The following ZNF654 variants were observed in gnomAD, a reference collection of about 807,000 sequenced individuals.
The protein encoded by ZNF654 is melanoma-associated antigen.
A neutral mutation model predicts 95.3 loss-of-function variants in ZNF654; 19 were observed. The ratio of observed to expected loss-of-function variants is 0.20; its 90% CI spans 0.14 to 0.29. The LOEUF (loss-of-function observed/expected upper bound fraction) is 0.29. ZNF654 is among the 10% of genes least tolerant of loss of function. ZNF654 has a pLI of 1.00. For synonymous variants in ZNF654, 413 were observed against 457.9 expected (o/e 0.90, Z 1.25); for missense variants, 1,046 against 1,341.0 (o/e 0.78, Z 3.44).
intron 1 of ZNF654, among the ~76,000 whole-genome samples, chr3:88,083,547 T>C (rs941507983): frequency 3.3e-5 from 5 of 152,202 alleles, no homozygotes; most frequent in African/African-American, 1.2e-4. Flanking sequence ...GCTTCTGTCA[T>C]CAGTGTTCCT....
chr3:88,133,812 G>A (rs1316446861), intron 6 of ZNF654, among the ~76,000 whole-genome samples: 1 of 151,904 alleles, frequency 6.6e-6, no homozygotes, highest in Non-Finnish European at 1.5e-5. Flanking sequence ...GGCCTAAAAG[G>A]GTAACATTGA....
At chr3:88,116,577 C>CACACACACAT (rs767725952) in intron 3 of ZNF654, among the ~76,000 whole-genome samples, 2 of 148,106 alleles carry the variant, frequency 1.4e-5, no homozygotes, top group Admixed American at 6.7e-5. Context: ...CACACACACA[C>CACACACACAT]ATGCACATAT....
Position 88,140,050 on chromosome 3 carries a change from G to A in ZNF654, c.2381G>A (p.Arg794Lys). The A allele has an allele frequency of 6.2e-7, 1 of 1,613,692 alleles. No individual in the cohort carries two copies. Among genetic ancestry groups the A allele is most frequent in the Non-Finnish European group, 8.5e-7 (1 of 1,179,726 alleles). Reference protein sequence around the residue: ...WSKGKCKFCQRQFEDSQHFID... With the variant: ...WSKGKCKFCQKQFEDSQHFID... ...AAAGGAAAATGCAAATTTTGTCAAA[G>A]GCAATTTGAAGATTCTCAACATTTT... Residue 794 changes from arginine (R) to lysine (K), a missense_variant, in exon 8 of 9, where the codon AGG becomes AAG. Physicochemically the swap from Arg to Lys is conservative, Grantham distance 26. This residue lies in a region of ZNF654 where 495 missense variants were observed against 537.0 expected (regional missense o/e 0.92). Coordinates refer to ENST00000636215, the MANE Select transcript of ZNF654 (RefSeq NM_001350134.2).
intron 2 of ZNF654, among the ~76,000 whole-genome samples, chr3:88,092,365 A>G (rs9310071): frequency 0.029 from 4,447 of 152,324 alleles, 201 homozygotes; most frequent in African/African-American, 0.097. Context: ...AAGAGATATT[A>G]TATTAAACAA....
At chr3:88,078,158 T>G (rs1707912852) in intron 1 of ZNF654, among the ~76,000 whole-genome samples, 1 of 152,240 alleles carries the variant, frequency 6.6e-6, no homozygotes. Flanking sequence ...TTGATATATA[T>G]TCTTTCCTCT....
intron 1 of ZNF654, among the ~76,000 whole-genome samples, chr3:88,078,406 A>G (rs1328218882): frequency 1.3e-5 from 2 of 152,150 alleles, no homozygotes; most frequent in African/African-American, 2.4e-5. Context: ...CTGGTAGGGT[A>G]TTTTTAAATA....
At chr3:88,107,471 G>A (rs1352692606) in intron 2 of ZNF654, among the ~76,000 whole-genome samples, 1 of 152,106 alleles carries the variant, frequency 6.6e-6, no homozygotes, top group Non-Finnish European at 1.5e-5. Context: ...TTAGCTAGAT[G>A]TATAATTGTT....
intron 4 of ZNF654, 100 bp from the exon 5 acceptor site, chr3:88,128,709 A>C: frequency 1.3e-6 from 1 of 778,080 alleles, no homozygotes; most frequent in Non-Finnish European, 2.0e-6. Flanking sequence ...AAGTAGTTAA[A>C]TCTAATTAGA....
chr3:88,143,234 T>C lies in ZNF654; in HGVS notation c.*1582T>C, dbSNP rs976871247. 1.3e-5 allele frequency: 2 copies of C among 152,226 alleles called. No homozygotes were observed. The highest frequency in any genetic ancestry group is 4.8e-5 in the African/African-American group (2 of 41,412). 9.4% of individuals were successfully genotyped at this position (152,226 alleles called of 1,614,324 possible). A position where few individuals can be genotyped will look rare whatever the true frequency, so the allele number is the denominator to read the frequency against. On this transcript the variant is annotated 3_prime_UTR_variant, in exon 9 of 9. Coordinates refer to ENST00000636215, the MANE Select transcript of ZNF654 (RefSeq NM_001350134.2). ...CATGATAGATCAGATGATTTTTTTT[T>C]AATTTCCCGGTTTTATTGGTTTATC...
intron 7 of ZNF654, among the ~76,000 whole-genome samples, chr3:88,138,035 C>G (rs1449208599): frequency 6.6e-6 from 1 of 151,990 alleles, no homozygotes; most frequent in Non-Finnish European, 1.5e-5. Context: ...AAAGCTGATG[C>G]AATTATCCTT....
chr3:88,143,870 A>AT lies in ZNF654; in HGVS notation c.*2222dup, dbSNP rs1280166821. 1.3e-5 allele frequency: 2 copies of AT among 151,920 alleles called. No homozygotes were observed. The highest frequency in any genetic ancestry group is 4.8e-5 in the African/African-American group (2 of 41,426). The allele number at this position is 151,920 out of a possible 1,614,324, so 9.4% of individuals were successfully genotyped here. On this transcript the variant is annotated 3_prime_UTR_variant, in exon 9 of 9. Transcript: ENST00000636215. ...AAATAGCTATTGAAAGAATGTGTTC[A>AT]TTTTATTACATCTGTCTTTTAAAAC... is the stretch of plus-strand genomic sequence containing the variant.
chr3:88,070,523 A>T (rs1416640505), intron 1 of ZNF654, among the ~76,000 whole-genome samples: 2 of 151,034 alleles, frequency 1.3e-5, no homozygotes, highest in African/African-American at 4.9e-5. Context: ...AAAGTTATGA[A>T]CCTTTGCTAT....
chr3:88,090,695 C>A (rs1708586224), intron 2 of ZNF654, among the ~76,000 whole-genome samples: 1 of 152,138 alleles, frequency 6.6e-6, no homozygotes, highest in Non-Finnish European at 1.5e-5. Flanking sequence ...ATAACAACAT[C>A]ATTCTTGCAA....
Sources: gnomAD v4.1 joint callset for allele counts (sites outside exome capture counted in the v4.1 genomes callset) on GRCh38, gnomAD v4.1.1 for gene constraint, gnomAD v4.1.1 regional missense constraint, MANE v1.5 for transcripts, NCBI Gene and HGNC (gene_info 2026-07-23, HGNC 2026-07-21) for gene names.